Variants in SRRM2 observed in about 807,000 individuals in gnomAD.
SRRM2 encodes the protein serine/arginine repetitive matrix 2.
A neutral mutation model predicts 213.8 loss-of-function variants in SRRM2; 30 were observed. The observed-to-expected ratio is 0.14, with a 90% CI of 0.10 to 0.19. The LOEUF (loss-of-function observed/expected upper bound fraction) is 0.19, where lower values mean the gene tolerates loss of function less well. SRRM2 is among the 10% of genes least tolerant of loss of function. The pLI, the probability that SRRM2 is intolerant of heterozygous loss-of-function variation, is 1.00. For missense variants in SRRM2, 4,904 were observed against 3,647.0 expected (o/e 1.34, Z -8.88); for synonymous variants, 2,025 against 1,377.7 (o/e 1.47, Z -10.40).
rs78617860 is a variant in SRRM2 at position 2,771,022 on chromosome 16, T to C, written c.*155T>C. ...CTCCCTTTCCCTCCCCTTTTTTTTT[T>C]CTTTGTTCCTGTGAAATGTTAATCT... On this transcript the variant is annotated 3_prime_UTR_variant, in exon 15 of 15. Coordinates refer to ENST00000301740, the MANE Select transcript of SRRM2 (RefSeq NM_016333.4). 1,446 of 842,556 alleles carry C rather than the reference T, an allele frequency of 1.7e-3. 15 individuals are homozygous for C. In the African/African-American group the frequency reaches 0.023, roughly 13 times the overall value. 52.2% of individuals were successfully genotyped at this position (842,556 alleles called of 1,614,324 possible). A position where few individuals can be genotyped will look rare whatever the true frequency, so the allele number is the denominator to read the frequency against.
chr16:2,761,878 C>G lies in SRRM2; in HGVS notation c.1350C>G (p.His450Gln). 5 of 1,612,384 alleles carry G rather than the reference C, an allele frequency of 3.1e-6. No individual in the cohort carries two copies. The highest frequency in any genetic ancestry group is 4.2e-6 in the Non-Finnish European group (5 of 1,180,036). ...SPKPAPAPGS[H>Q]REISSSPTSK... ...AACCTGCTCCAGCTCCAGGGTCCCA[C>G]CGAGAGATTTCTTCTTCTCCCACAT... is the stretch of plus-strand genomic sequence containing the variant. Residue 450 changes from histidine (H) to glutamine (Q), a missense_variant, in exon 11 of 15, where the codon CAC becomes CAG. Transcript: ENST00000301740.
intron 4 of SRRM2, 35 bp downstream of exon 4, chr16:2,757,980 T>C (rs765058489): frequency 3.7e-5 from 59 of 1,587,150 alleles, no homozygotes; most frequent in Non-Finnish European, 5.0e-5. Flanking sequence ...TCAGCTTCTT[T>C]TCTTGATTGT....
Position 2,757,507 on chromosome 16 carries a change from C to T in SRRM2, c.278C>T (p.Thr93Ile). The T allele has an allele frequency of 6.2e-7, 1 of 1,614,004 alleles. No individual in the cohort carries two copies. The highest frequency in any genetic ancestry group is 2.2e-5 in the East Asian group (1 of 44,874). ...EEQQIQEKVA[T>I]FRLMLLEKDV... ...CAGCAAATTCAGGAAAAAGTGGCGA[C>T]CTTTCGACTCATGTTGCTGGAGAAG... Residue 93 changes from threonine (T) to isoleucine (I), a missense_variant, in exon 3 of 15, where the codon ACC becomes ATC. Transcript: ENST00000301740.
Position 2,757,693 on chromosome 16 carries a change from G to T in SRRM2, c.351-88G>T, listed in dbSNP as rs72768757. The T allele has an allele frequency of 6.9e-6, 11 of 1,583,048 alleles. No individual in the cohort carries two copies. In the South Asian group the frequency reaches 9.1e-5, roughly 13 times the overall value. On this transcript the variant is annotated intron_variant, in intron 3 of 14. Coordinates refer to ENST00000301740, the MANE Select transcript of SRRM2 (RefSeq NM_016333.4). ...CCCTGCTTTCGTCTGCCTTTCCCAT[G>T]CCTTATTTGGCTCCTGCTTATACTT...
chr16:2,756,463 G>C lies in SRRM2; in HGVS notation c.99G>C (p.Arg33=). The C allele has an allele frequency of 6.2e-7, 1 of 1,613,574 alleles. No individual in the cohort carries two copies. Among genetic ancestry groups the C allele is most frequent in the Non-Finnish European group, 8.5e-7 (1 of 1,179,806 alleles). Residue 33 remains arginine, a synonymous_variant, in exon 2 of 15, where the codon CGG becomes CGC. Transcript: ENST00000301740. ...TGGTGCGGGGCCGCCGGGGTGAGCG[G>C]CCTGACTACAAGGGAGAGGAGGAAC... ...LSLVRGRRGE[R]PDYKGEEELR... is the part of the protein sequence containing the mutation.
At chr16:2,756,759 GT>G (rs1281946755) in intron 2 of SRRM2, among the ~76,000 whole-genome samples, 153 bp downstream of exon 2, 2 of 152,106 alleles carry the variant, frequency 1.3e-5, no homozygotes, top group African/African-American at 4.8e-5. Context: ...AGTGAAAACA[GT>G]TAAGGGACAG....
rs575624226 is a variant in SRRM2, at chr16:2,765,941, C to T, written c.5413C>T (p.Arg1805Trp). 1.7e-5 allele frequency: 27 copies of T among 1,614,056 alleles called. No homozygotes were observed. Among genetic ancestry groups the T allele is most frequent in the Non-Finnish European group, 2.1e-5 (25 of 1,180,046 alleles). Residue 1805 changes from arginine (R) to tryptophan (W), a missense_variant, in exon 11 of 15, where the codon CGG becomes TGG. Coordinates refer to ENST00000301740, the MANE Select transcript of SRRM2 (RefSeq NM_016333.4). ...QSTSRRRQRS[R>W]SRSRVTRRRR... ...AACCTCTCGGCGAAGACAGCGGAGC[C>T]GGTCAAGGTCGCGGGTTACTCGGCG...
intron 10 of SRRM2, 87 bp from the exon 11 acceptor site, chr16:2,761,474 T>A (rs1400272171): frequency 3.5e-6 from 4 of 1,142,272 alleles, no homozygotes; most frequent in Non-Finnish European, 4.7e-6. Context: ...AGAAAAGTTA[T>A]CATTGGAAAG....
chr16:2,770,749 C>T lies in SRRM2; in HGVS notation c.8249+32C>T, dbSNP rs141042241. ...GTCCTGGAAGGCTGATGCCCCCTTC[C>T]GGGAGCCAGTTGTGGTGGTGGGTGG... On this transcript the variant is annotated intron_variant, in intron 14 of 14. Coordinates refer to ENST00000301740, the MANE Select transcript of SRRM2 (RefSeq NM_016333.4). 667 of 1,589,520 alleles carry T rather than the reference C, an allele frequency of 4.2e-4. 5 individuals are homozygous for T. In the African/African-American group the frequency reaches 5.7e-3, roughly 14 times the overall value.
intron 10 of SRRM2, chr16:2,760,848 T>C: frequency 4.6e-6 from 1 of 216,236 alleles, no homozygotes; most frequent in Non-Finnish European, 9.4e-6. Flanking sequence ...TCACCAAAAC[T>C]TTTTAATCCA....
At chr16:2,768,648 G>A (rs1301421599) in intron 11 of SRRM2, 1 of 642,116 alleles carries the variant, frequency 1.6e-6, no homozygotes, top group African/African-American at 1.8e-5. Context: ...CCCTTCCCCA[G>A]CCAACCTGCA....
rs147947399 is a variant in SRRM2, at chr16:2,766,309, G to A, written c.5781G>A (p.Thr1927=). The change falls in exon 11 of 15, where the codon ACG becomes ACA. Residue 1927 remains threonine (T), a synonymous_variant. Transcript: ENST00000301740. The surrounding 1 kb of genome is among the most constrained non-coding windows in gnomAD (Gnocchi z 7.0). ...GCAGAAGGCGATCCAGATCCAGAAC[G>A]CCACCAGTAACCCGCCGTCGTTCAA... is the stretch of plus-strand genomic sequence containing the variant. The part of the protein sequence containing the change: ...PVSRRRSRSR[T]PPVTRRRSRS... 11 of 1,613,952 alleles carry A rather than the reference G, an allele frequency of 6.8e-6. No homozygotes were observed. The highest frequency in any genetic ancestry group is 4.0e-5 in the African/African-American group (3 of 74,884).
In SRRM2 at chr16:2,764,692, A is replaced by C; in HGVS notation, c.4164A>C (p.Pro1388=). 6.2e-7 allele frequency: 1 copy of C among 1,614,158 alleles called. No homozygotes were observed. Among genetic ancestry groups the C allele is most frequent in the Non-Finnish European group, 8.5e-7 (1 of 1,180,048 alleles). ...SSGHSSSELS[P]DAVEKAGMSS... Reference sequence around the variant, plus strand: ...GACACAGCAGTTCTGAGTTATCCCCAGATGCAGTGGAAAAGGCAGGGATGT... The same window carrying C: ...GACACAGCAGTTCTGAGTTATCCCCCGATGCAGTGGAAAAGGCAGGGATGT... The change falls in exon 11 of 15, where the codon CCA becomes CCC. Residue 1388 remains proline (P), a synonymous_variant. Coordinates refer to ENST00000301740, the MANE Select transcript of SRRM2 (RefSeq NM_016333.4).
chr16:2,758,276 G>C (rs2068218012), intron 4 of SRRM2, among the ~76,000 whole-genome samples, 194 bp from the exon 5 acceptor site: 2 of 152,228 alleles, frequency 1.3e-5, no homozygotes, highest in Admixed American at 1.3e-4. Context: ...GGTGGAGGCA[G>C]GAGGGTCTTT....
chr16:2,759,078 G>GA (rs2068246485), intron 6 of SRRM2, 31 bp downstream of exon 6: 1 of 1,614,082 alleles, frequency 6.2e-7, no homozygotes, highest in South Asian at 1.1e-5. Flanking sequence ...AATGACTGGA[G>GA]AAGGTTTGCT....
intron 12 of SRRM2, 68 bp from the exon 13 acceptor site, chr16:2,770,284 G>A: frequency 1.2e-5 from 18 of 1,491,072 alleles, no homozygotes; most frequent in Non-Finnish European, 1.6e-5. Context: ...ACCTGGGCGG[G>A]TGGTCCTGAG....
Position 2,766,751 on chromosome 16 carries a change from A to G in SRRM2, c.6223A>G (p.Ile2075Val), listed in dbSNP as rs756707685. The change falls in exon 11 of 15, where the codon ATC becomes GTC. Residue 2075 changes from isoleucine to valine, a missense_variant. Coordinates refer to ENST00000301740, the MANE Select transcript of SRRM2 (RefSeq NM_016333.4). The surrounding 1 kb of genome is among the most constrained non-coding windows in gnomAD (Gnocchi z 7.0). ...KRSLTRSPPA[I>V]RRRSASGSSS... The stretch of plus-strand genomic sequence containing the variant: ...GTCCTTAACAAGATCTCCTCCAGCC[A>G]TCCGCAGGCGTTCTGCATCTGGAAG... 1 of 1,614,176 alleles carries G rather than the reference A, an allele frequency of 6.2e-7. No individual in the cohort carries two copies. Among genetic ancestry groups the G allele is most frequent in the Non-Finnish European group, 8.5e-7 (1 of 1,180,038 alleles).
At chr16:2,761,118 A>C (rs2068329494) in intron 10 of SRRM2, among the ~76,000 whole-genome samples, 1 of 152,018 alleles carries the variant, frequency 6.6e-6, no homozygotes, top group Non-Finnish European at 1.5e-5. Context: ...CATTTCCTGT[A>C]CTCTACCCAT....
At chr16:2,759,432 G>T (rs747144306) in intron 8 of SRRM2, 30 bp downstream of exon 8, 92 of 1,595,290 alleles carry the variant, frequency 5.8e-5, no homozygotes, top group Non-Finnish European at 6.9e-5. Context: ...ATTTGCTTAG[G>T]AAGTAAGTGA....
Sources: allele counts gnomAD v4.1 joint callset (sites outside exome capture counted in the v4.1 genomes callset), GRCh38; gene constraint gnomAD v4.1.1; non-coding constraint Gnocchi (gnomAD v3.1); transcripts MANE v1.5; gene names NCBI Gene and HGNC (gene_info 2026-07-23, HGNC 2026-07-21).